The following SLFN5 variants were observed in gnomAD, a reference collection of about 807,000 sequenced individuals.
The protein encoded by SLFN5 is schlafen family member 5.
A neutral mutation model predicts 48.5 loss-of-function variants in SLFN5; 34 were observed. The observed-to-expected ratio is 0.70, with a 90% CI of 0.53 to 0.93. The LOEUF is 0.93. Among genes scored for constraint, SLFN5 ranks in the 40% least tolerant of loss-of-function variants. SLFN5 has a pLI of 0.00. For synonymous variants in SLFN5, 387 were observed against 396.2 expected (o/e 0.98, Z 0.28); for missense variants, 1,006 against 1,071.3 (o/e 0.94, Z 0.85).
intron 1 of SLFN5, among the ~76,000 whole-genome samples, chr17:35,253,972 A>G (rs2092449154): frequency 1.3e-5 from 2 of 152,120 alleles, no homozygotes; most frequent in Non-Finnish European, 2.9e-5. Flanking sequence ...TGCTGGGATT[A>G]CAAGCATGAG....
chr17:35,265,710 C>T lies in SLFN5; in HGVS notation c.2498C>T (p.Ser833Leu), dbSNP rs1325402761. 2.5e-6 allele frequency: 4 copies of T among 1,614,054 alleles called. No homozygotes were observed. The highest frequency in any genetic ancestry group is 2.2e-5 in the East Asian group (1 of 44,892). ...SDLLLQIGDA[S>L]DVLTDHIVLD... ...CTGTTACTACAGATCGGTGATGCGT[C>T]GGATGTTCTAACCGATCACATTGTG... Residue 833 changes from serine to leucine, a missense_variant, in exon 5 of 5, where the codon TCG becomes TTG. By Grantham distance (145) the Ser-to-Leu change is moderately radical (BLOSUM62 -2). Transcript: ENST00000299977.
chr17:35,271,958 G>C lies in SLFN5; in HGVS notation c.*6070G>C, dbSNP rs1378204417. On this transcript the variant is annotated 3_prime_UTR_variant, in exon 5 of 5. Transcript: ENST00000299977. Reference sequence around the variant, plus strand: ...AGGTGGGAGAATCACCCAAGCCTTGGGAGGTCGAGGCTGTAGTGAGCCAAA... The same window carrying C: ...AGGTGGGAGAATCACCCAAGCCTTGCGAGGTCGAGGCTGTAGTGAGCCAAA... 2 of 152,034 alleles carry C rather than the reference G, an allele frequency of 1.3e-5. No individual in the cohort carries two copies. Among genetic ancestry groups the C allele is most frequent in the Non-Finnish European group, 2.9e-5 (2 of 68,042 alleles). 9.4% of individuals were successfully genotyped at this position (152,034 alleles called of 1,614,324 possible).
intron 3 of SLFN5, 26 bp from the exon 4 acceptor site, chr17:35,264,157 T>A (rs755438112): frequency 6.5e-7 from 1 of 1,540,856 alleles, no homozygotes; most frequent in Non-Finnish European, 8.7e-7. Flanking sequence ...GCTTTTCTAA[T>A]TTCTTCCCAT....
intron 1 of SLFN5, among the ~76,000 whole-genome samples, chr17:35,246,972 C>T (rs1425216107): frequency 6.6e-6 from 1 of 152,012 alleles, no homozygotes; most frequent in Non-Finnish European, 1.5e-5. Flanking sequence ...GGTTGACAGG[C>T]TAAATATACA....
chr17:35,245,291 C>A (rs2092428188), intron 1 of SLFN5, among the ~76,000 whole-genome samples: 2 of 152,232 alleles, frequency 1.3e-5, no homozygotes, highest in South Asian at 2.1e-4. Context: ...AAGAAGGCTA[C>A]CAAGTGACTA....
In SLFN5 at chr17:35,259,617, GCCTAGTT is replaced by G; in HGVS notation, c.931_937del (p.Ser311GlyfsTer3). 1 of 1,608,322 alleles carries G rather than the reference GCCTAGTT, an allele frequency of 6.2e-7. No individual in the cohort carries two copies. Among genetic ancestry groups the G allele is most frequent in the Non-Finnish European group, 8.5e-7 (1 of 1,179,970 alleles). ...TCTGCTGTGCGGTGTTTGCCAAAGT[GCCTAGTT>G]CCTGGCAGGTGAAGGACAACCGTGT... is the stretch of plus-strand genomic sequence containing the variant. On this transcript the variant is annotated frameshift_variant, in exon 2 of 5. Transcript: ENST00000299977. LOFTEE classifies it high-confidence loss of function.
chr17:35,265,426 C>G lies in SLFN5; in HGVS notation c.2214C>G (p.Pro738=), dbSNP rs749139527. The G allele has an allele frequency of 4.3e-6, 7 of 1,614,194 alleles. No individual in the cohort carries two copies. Among genetic ancestry groups the G allele is most frequent in the Middle Eastern group, 3.3e-4 (2 of 6,062 alleles). Residue 738 remains proline (P), a synonymous_variant, in exon 5 of 5, where the codon CCC becomes CCG. Coordinates refer to ENST00000299977, the MANE Select transcript of SLFN5 (RefSeq NM_144975.4). ...GACAAAATCCTCCACCTAACCTCCC[C>G]CCTGGGTCCCTGGTGATGCTCTATG... is the stretch of plus-strand genomic sequence containing the variant. ...EARQNPPPNL[P]PGSLVMLYEP... is the part of the protein sequence containing the mutation.
rs1904835193 is a variant in SLFN5, at chr17:35,271,708, T to C, written c.*5820T>C. The C allele has an allele frequency of 6.6e-6, 1 of 152,154 alleles. No individual in the cohort carries two copies. Among genetic ancestry groups the C allele is most frequent in the African/African-American group, 2.4e-5 (1 of 41,438 alleles). The allele number at this position is 152,154 out of a possible 1,614,324, so 9.4% of individuals were successfully genotyped here. ...AATCCCAATAAAAATGCCAACAGGT[T>C]TTCCCCAATAGCATTGAAATGATTT... On this transcript the variant is annotated 3_prime_UTR_variant, in exon 5 of 5. Transcript: ENST00000299977.
intron 1 of SLFN5, among the ~76,000 whole-genome samples, chr17:35,243,969 G>A (rs2092424958): frequency 6.6e-6 from 1 of 152,190 alleles, no homozygotes; most frequent in South Asian, 2.1e-4. Context: ...AGGAAGTAAG[G>A]GAGGGGGAAT....
chr17:35,245,239 A>C (rs1267549701), intron 1 of SLFN5, among the ~76,000 whole-genome samples: 1 of 152,226 alleles, frequency 6.6e-6, no homozygotes, highest in East Asian at 1.9e-4. Flanking sequence ...ATAAAATAAG[A>C]GTTACTTGAA....
rs1904767807 is a variant in SLFN5, at chr17:35,268,934, G to T, written c.*3046G>T. On this transcript the variant is annotated 3_prime_UTR_variant, in exon 5 of 5. Transcript: ENST00000299977. ...ATCCTGCATTAGGACAGTGATCAGG[G>T]ATCAGTATCCTTCATTGACTGATTT... The T allele has an allele frequency of 6.6e-6, 1 of 152,144 alleles. No homozygotes were observed. Among genetic ancestry groups the T allele is most frequent in the Non-Finnish European group, 1.5e-5 (1 of 68,042 alleles). 9.4% of individuals were successfully genotyped at this position (152,144 alleles called of 1,614,324 possible).
rs774616679 is a variant in SLFN5, at chr17:35,265,119, T to C, written c.1907T>C (p.Met636Thr). 5 of 1,613,490 alleles carry C rather than the reference T, an allele frequency of 3.1e-6. No individual in the cohort carries two copies. The highest frequency in any genetic ancestry group is 3.4e-6 in the Non-Finnish European group (4 of 1,179,912). ...CAGCCAGTGACCCGGAAAACCTTCA[T>C]GAAAAACAACTTTGAACACATCCAG... ...ICQPVTRKTF[M>T]KNNFEHIQHI... The change falls in exon 5 of 5, where the codon ATG becomes ACG. Residue 636 changes from methionine (M) to threonine (T), a missense_variant. Physicochemically the swap from Met to Thr is moderately conservative, Grantham distance 81. Transcript: ENST00000299977.
Position 35,258,930 on chromosome 17 carries a change from A to C in SLFN5, c.240A>C (p.Pro80=). The change falls in exon 2 of 5, where the codon CCA becomes CCC. Residue 80 remains proline (P), a synonymous_variant. Transcript: ENST00000299977. ...ATGGAGTAGGATTGGATGTGCCTCC[A>C]ATTTTCAGAAGCCATTTAGATAAGA... is the stretch of plus-strand genomic sequence containing the variant. ...ERHGVGLDVP[P]IFRSHLDKMQ... is the part of the protein sequence containing the mutation. 2 of 1,614,234 alleles carry C rather than the reference A, an allele frequency of 1.2e-6. No individual in the cohort carries two copies. Among genetic ancestry groups the C allele is most frequent in the Non-Finnish European group, 1.7e-6 (2 of 1,180,038 alleles).
At chr17:35,247,901 G>GT (rs144167657) in intron 1 of SLFN5, among the ~76,000 whole-genome samples, 60 of 152,246 alleles carry the variant, frequency 3.9e-4, no homozygotes, top group African/African-American at 1.4e-3. Flanking sequence ...TCCATCTTGC[G>GT]TTTTTGTCCT....
intron 1 of SLFN5, among the ~76,000 whole-genome samples, chr17:35,247,615 G>A (rs1435881033): frequency 2.6e-5 from 4 of 152,132 alleles, no homozygotes; most frequent in Non-Finnish European, 4.4e-5. Flanking sequence ...TTTGATACCC[G>A]GGTTTTGTTA....
At chr17:35,249,794 C>G (rs2092438329) in intron 1 of SLFN5, among the ~76,000 whole-genome samples, 1 of 152,180 alleles carries the variant, frequency 6.6e-6, no homozygotes, top group South Asian at 2.1e-4. Flanking sequence ...TATGAATACA[C>G]CTTTGCTTTC....
chr17:35,250,709 G>A (rs953009039), intron 1 of SLFN5, among the ~76,000 whole-genome samples: 1 of 151,134 alleles, frequency 6.6e-6, no homozygotes, highest in Non-Finnish European at 1.5e-5. Context: ...GTGACCTTGT[G>A]ATTCAGTTCT....
chr17:35,265,820 T>C lies in SLFN5; in HGVS notation c.2608T>C (p.Tyr870His). Residue 870 changes from tyrosine to histidine, a missense_variant, in exon 5 of 5, where the codon TAC becomes CAC. By Grantham distance (83) the Tyr-to-His change is moderately conservative. Transcript: ENST00000299977. ...AGGAGTAGCCCCACCGGCTGGGGCCTACAATCTTCTGCTCTGTTTGGCTTC... is the reference window on the plus strand; with the variant it reads ...AGGAGTAGCCCCACCGGCTGGGGCCCACAATCTTCTGCTCTGTTTGGCTTC... ...NPGVAPPAGA[Y>H]NLLLCLASRA... is the part of the protein sequence containing the mutation. The C allele has an allele frequency of 1.2e-6, 2 of 1,614,162 alleles. No homozygotes were observed. Among genetic ancestry groups the C allele is most frequent in the Non-Finnish European group, 1.7e-6 (2 of 1,180,034 alleles).
At chr17:35,260,539 A>C (rs1904491246) in intron 2 of SLFN5, among the ~76,000 whole-genome samples, 1 of 152,144 alleles carries the variant, frequency 6.6e-6, no homozygotes, top group Non-Finnish European at 1.5e-5. Flanking sequence ...AGCCTGGCCA[A>C]CATGGTGAAA....
Sources: allele counts gnomAD v4.1 joint callset (sites outside exome capture counted in the v4.1 genomes callset), GRCh38; gene constraint gnomAD v4.1.1; transcripts MANE v1.5; gene names NCBI Gene and HGNC (gene_info 2026-07-23, HGNC 2026-07-21).